ACVR1C: variants seen among roughly 807,000 people sequenced by gnomAD.
ACVR1C encodes activin receptor type-1C.
A neutral mutation model predicts 57.9 loss-of-function variants in ACVR1C; 23 were observed. That is an observed-to-expected ratio of 0.40 (90% CI 0.29 to 0.56). ACVR1C has a LOEUF of 0.56. ACVR1C is among the 20% of genes least tolerant of loss of function. ACVR1C has a pLI of 0.50. For missense variants in ACVR1C, 480 were observed against 607.9 expected, an observed-to-expected ratio of 0.79 and a Z score of 2.21; for synonymous variants, 214 against 215.3, an observed-to-expected ratio of 0.99 and a Z score of 0.05.
At chr2:157,584,449 AG>A (rs1688868968) in intron 2 of ACVR1C, among the ~76,000 whole-genome samples, 2 of 152,212 alleles carry the variant, frequency 1.3e-5, no homozygotes, top group Non-Finnish European at 2.9e-5. Flanking sequence ...TACTTTATAG[AG>A]GAAGATACAT....
In ACVR1C at chr2:157,555,009, T is replaced by A. The variant is rs544205629; in HGVS notation, c.544+1084A>T. Among the ~76,000 whole-genome samples the A allele has an allele frequency of 8.1e-4, 115 of 141,516 alleles. 2 individuals carry two copies. The East Asian group carries it at 0.019, about 23-fold the overall frequency. 92.8% of individuals were successfully genotyped at this position (141,516 alleles called of 152,430 possible). On this transcript the variant is annotated intron_variant, in intron 3 of 8. Coordinates refer to ENST00000243349, the MANE Select transcript of ACVR1C (RefSeq NM_145259.3). ...AACCTCCTGCCAAAAGATAAAAAAA[T>A]AAAAAATAAAAATAAAAATAAAAAA...
At chr2:157,560,645 C>A (rs1688212133) in intron 2 of ACVR1C, among the ~76,000 whole-genome samples, 1 of 152,192 alleles carries the variant, frequency 6.6e-6, no homozygotes, top group African/African-American at 2.4e-5. Flanking sequence ...TCTAATCTTT[C>A]ATTTTTCATA....
rs1457631113 is a variant in ACVR1C at position 157,553,424 on chromosome 2, A to C, written c.544+2669T>G. On this transcript the variant is annotated intron_variant, in intron 3 of 8. Coordinates refer to ENST00000243349, the MANE Select transcript of ACVR1C (RefSeq NM_145259.3). ...TTTTTTTTTTTAAATGAGAGATCTTAGAATAATCTGAAAACGAGAGAGTCC... is the reference window on the plus strand; with the variant it reads ...TTTTTTTTTTTAAATGAGAGATCTTCGAATAATCTGAAAACGAGAGAGTCC... 5.3e-5 allele frequency among the ~76,000 whole-genome samples: 8 copies of C among 151,830 alleles called. No homozygotes were observed. The South Asian group carries it at 1.7e-3, about 31-fold the overall frequency.
At chr2:157,544,712 A>T (rs1687708594) in intron 4 of ACVR1C, 100 bp from the exon 5 acceptor site, 1 of 1,002,034 alleles carries the variant, frequency 1.0e-6, no homozygotes, top group African/African-American at 1.6e-5. Flanking sequence ...TTAACAAAGC[A>T]AAGTTAATTG....
chr2:157,530,405 G>A lies in ACVR1C; in HGVS notation c.*3513C>T, dbSNP rs1236376341. On this transcript the variant is annotated 3_prime_UTR_variant, in exon 9 of 9. Transcript: ENST00000243349. The stretch of plus-strand genomic sequence containing the variant: ...CGATTTGCTAAGCAGGTTCCCTGGT[G>A]CTTTTGTGCAGACTCAAAGACAACC... 1 of 152,104 alleles carries A rather than the reference G, an allele frequency of 6.6e-6. No homozygotes were observed. Among genetic ancestry groups the A allele is most frequent in the East Asian group, 1.9e-4 (1 of 5,196 alleles). 9.4% of individuals were successfully genotyped at this position (152,104 alleles called of 1,614,324 possible). A position where few individuals can be genotyped will look rare whatever the true frequency, so the allele number is the denominator to read the frequency against.
chr2:157,615,203 A>T (rs1487953931), intron 1 of ACVR1C, among the ~76,000 whole-genome samples: 1 of 151,924 alleles, frequency 6.6e-6, no homozygotes. Context: ...ACAGTGGTTC[A>T]TGCCTATAAT....
chr2:157,561,088 CAG>C (rs1257467643), intron 2 of ACVR1C, among the ~76,000 whole-genome samples: 2 of 152,110 alleles, frequency 1.3e-5, no homozygotes, highest in African/African-American at 4.8e-5. Context: ...AAAGAAAAAA[CAG>C]AGACCTTCAT....
At chr2:157,575,305 G>A (rs1431025074) in intron 2 of ACVR1C, among the ~76,000 whole-genome samples, 7 of 152,034 alleles carry the variant, frequency 4.6e-5, no homozygotes, top group African/African-American at 1.7e-4. Context: ...GCTAATTTTT[G>A]TATTTTTAGT....
At chr2:157,624,605 T>C (rs888507536) in intron 1 of ACVR1C, among the ~76,000 whole-genome samples, 3 of 152,170 alleles carry the variant, frequency 2.0e-5, no homozygotes, top group African/African-American at 7.2e-5. Flanking sequence ...TCATGTAGGA[T>C]TGGAGAAAAC....
intron 5 of ACVR1C, 130 bp from the exon 6 acceptor site, chr2:157,542,992 A>G (rs1342209717): frequency 2.2e-6 from 2 of 910,334 alleles, no homozygotes; most frequent in African/African-American, 3.4e-5. Context: ...GTCACTATCT[A>G]AATTATCTTG....
intron 1 of ACVR1C, among the ~76,000 whole-genome samples, chr2:157,612,898 C>T (rs1293313063): frequency 6.6e-6 from 1 of 152,196 alleles, no homozygotes; most frequent in Non-Finnish European, 1.5e-5. Flanking sequence ...ATCCAAGTGA[C>T]AGCAGAACTC....
intron 2 of ACVR1C, among the ~76,000 whole-genome samples, chr2:157,560,225 T>C (rs1433777177): frequency 3.9e-5 from 6 of 152,194 alleles, no homozygotes; most frequent in Non-Finnish European, 5.9e-5. Flanking sequence ...AAGAAAAAGA[T>C]AAGACAATGT....
chr2:157,539,772 GC>G (rs1687577203), intron 7 of ACVR1C, among the ~76,000 whole-genome samples: 1 of 152,144 alleles, frequency 6.6e-6, no homozygotes, highest in Admixed American at 6.5e-5. Context: ...CTAGTAAGTG[GC>G]AGATCTGGAA....
Position 157,528,978 on chromosome 2 carries a change from T to C in ACVR1C, c.*4940A>G, listed in dbSNP as rs1687296906. ...CTAAAGAAATACAGGAATTATAGAG[T>C]GACTTGGGATTGATGAGATCTGCCA... On this transcript the variant is annotated 3_prime_UTR_variant, in exon 9 of 9. Coordinates refer to ENST00000243349, the MANE Select transcript of ACVR1C (RefSeq NM_145259.3). 6.6e-6 allele frequency: 1 copy of C among 152,032 alleles called. No homozygotes were observed. Among genetic ancestry groups the C allele is most frequent in the South Asian group, 2.1e-4 (1 of 4,832 alleles). The allele number at this position is 152,032 out of a possible 1,614,324, so 9.4% of individuals were successfully genotyped here.
chr2:157,595,655 C>G (rs1682078974), intron 1 of ACVR1C, among the ~76,000 whole-genome samples: 1 of 152,130 alleles, frequency 6.6e-6, no homozygotes, highest in Non-Finnish European at 1.5e-5. Flanking sequence ...TAGAATAAAG[C>G]AAAATCCACA....
At chr2:157,612,562 C>T (rs111889442) in intron 1 of ACVR1C, among the ~76,000 whole-genome samples, 31 of 152,132 alleles carry the variant, frequency 2.0e-4, no homozygotes, top group African/African-American at 6.5e-4. Flanking sequence ...GAAGGGGTCC[C>T]ACTCTCTGTT....
chr2:157,566,380 G>C (rs1276732207), intron 2 of ACVR1C, among the ~76,000 whole-genome samples: 1 of 152,226 alleles, frequency 6.6e-6, no homozygotes, highest in Admixed American at 6.5e-5. Flanking sequence ...AATAGGAACA[G>C]CTCCGGTCTA....
At chr2:157,609,326 A>G (rs968798501) in intron 1 of ACVR1C, among the ~76,000 whole-genome samples, 1 of 151,920 alleles carries the variant, frequency 6.6e-6, no homozygotes, top group East Asian at 1.9e-4. Context: ...TTGTGGTCTG[A>G]GAAGATACTT....
At chr2:157,576,208 T>C (rs1366929201) in intron 2 of ACVR1C, among the ~76,000 whole-genome samples, 3 of 140,570 alleles carry the variant, frequency 2.1e-5, no homozygotes, top group South Asian at 4.6e-4. Flanking sequence ...CATTTCTTTT[T>C]TTTTTTTTTT....
Sources: allele counts gnomAD v4.1 joint callset (sites outside exome capture counted in the v4.1 genomes callset), GRCh38; gene constraint gnomAD v4.1.1; transcripts MANE v1.5; gene names NCBI Gene and HGNC (gene_info 2026-07-23, HGNC 2026-07-21).